GALNT17: variants seen among roughly 807,000 people sequenced by gnomAD.
The protein encoded by GALNT17 is UDP-GalNAc:polypeptide N-acetylgalactosaminyltransferase-like 3.
In GALNT17, 29 loss-of-function variants were observed where a neutral mutation model predicts 63.7. The observed-to-expected ratio is 0.46, with a 90% CI of 0.34 to 0.62. GALNT17 has a LOEUF of 0.62. Among genes scored for constraint, GALNT17 ranks in the 20% least tolerant of loss-of-function variants. The probability of loss-of-function intolerance (pLI) is 0.01; values close to 1 mark genes in which losing one functional copy is unlikely to be tolerated. For missense variants in GALNT17, 603 were observed against 799.6 expected, an observed-to-expected ratio of 0.75 and a Z score of 2.97; for synonymous variants, 305 against 318.3, an observed-to-expected ratio of 0.96 and a Z score of 0.45.
At chr7:71,620,774 G>T (rs1790278292) in intron 6 of GALNT17, among the ~76,000 whole-genome samples, 1 of 152,172 alleles carries the variant, frequency 6.6e-6, no homozygotes, top group African/African-American at 2.4e-5. Context: ...ATTGTCAGAA[G>T]CATAAAGCCT....
intron 2 of GALNT17, among the ~76,000 whole-genome samples, chr7:71,377,114 A>AATATATATAT (rs1554362119): frequency 9.9e-4 from 57 of 57,446 alleles, no homozygotes; most frequent in Non-Finnish European, 1.3e-3. Flanking sequence ...AAATAAAAAA[A>AATATATATAT]ATATATATAT....
chr7:71,591,405 C>T (rs1049358959), intron 6 of GALNT17, among the ~76,000 whole-genome samples: 5 of 152,032 alleles, frequency 3.3e-5, no homozygotes, highest in African/African-American at 9.7e-5. Context: ...GTAAGGGTCC[C>T]GAATTGCTCC....
chr7:71,650,853 A>G (rs1217028300), intron 6 of GALNT17, among the ~76,000 whole-genome samples: 2 of 152,128 alleles, frequency 1.3e-5, no homozygotes, highest in African/African-American at 4.8e-5. Flanking sequence ...CTGGCATTCT[A>G]TTTTTAAGCT....
intron 1 of GALNT17, among the ~76,000 whole-genome samples, chr7:71,160,714 C>T (rs1788326848): frequency 6.6e-6 from 1 of 152,164 alleles, no homozygotes. Flanking sequence ...CTGCCTCGGC[C>T]CCCCAAAGTG....
At chr7:71,455,824 C>T (rs1053569222) in intron 5 of GALNT17, among the ~76,000 whole-genome samples, 1 of 152,134 alleles carries the variant, frequency 6.6e-6, no homozygotes, top group African/African-American at 2.4e-5. Context: ...CTTTTGAAAC[C>T]AAGTAGAGCT....
chr7:71,312,021 C>T (rs1656487851), intron 1 of GALNT17, among the ~76,000 whole-genome samples: 1 of 152,224 alleles, frequency 6.6e-6, no homozygotes. Flanking sequence ...TTACCATTGC[C>T]ATAGCAACAC....
intron 1 of GALNT17, among the ~76,000 whole-genome samples, chr7:71,190,024 G>A (rs1221891706): frequency 6.6e-6 from 1 of 151,972 alleles, no homozygotes; most frequent in Non-Finnish European, 1.5e-5. Flanking sequence ...TGTTAGCCAG[G>A]ATGGTCTCGA....
At chr7:71,580,399 TGATAGATAGATAGATA>T (rs59745749) in intron 6 of GALNT17, among the ~76,000 whole-genome samples, 2,582 of 147,584 alleles carry the variant, frequency 0.017, 26 homozygotes, top group Middle Eastern at 0.071. Flanking sequence ...GATAGATGGA[TGATAGATAGATAGATA>T]GATAGATAGA....
rs769088187 is a variant in GALNT17 at position 71,421,116 on chromosome 7, G to A, written c.962+11G>A. ...TTCTCTCCCCATCAGGTCTGTGGCT[G>A]GTGAGCCCTGGCGGCCAACGAGCCC... is the stretch of plus-strand genomic sequence containing the variant. On this transcript the variant is annotated intron_variant, in intron 5 of 10. Coordinates refer to ENST00000333538, the MANE Select transcript of GALNT17 (RefSeq NM_022479.3). 60 of 1,613,730 alleles carry A rather than the reference G, an allele frequency of 3.7e-5. 1 individual carries two copies. The South Asian group carries it at 6.3e-4, about 17-fold the overall frequency.
intron 6 of GALNT17, among the ~76,000 whole-genome samples, chr7:71,624,292 G>T (rs1191338374): frequency 6.6e-6 from 1 of 152,168 alleles, no homozygotes; most frequent in Non-Finnish European, 1.5e-5. Context: ...GATCTGAAAA[G>T]GTCTCAGGGC....
chr7:71,219,018 C>T (rs1042567889), intron 1 of GALNT17, among the ~76,000 whole-genome samples: 4 of 152,144 alleles, frequency 2.6e-5, no homozygotes, highest in African/African-American at 9.7e-5. Flanking sequence ...TGAAACTTGT[C>T]CCTGGTGCCA....
In GALNT17 at chr7:71,542,052, T is replaced by C. The variant is rs181332558; in HGVS notation, c.963-29233T>C. On this transcript the variant is annotated intron_variant, in intron 5 of 10. Coordinates refer to ENST00000333538, the MANE Select transcript of GALNT17 (RefSeq NM_022479.3). ...GTTAAATGCAGGCGATGATACAAAA[T>C]GGGGAATAAAACAGGGATACGTTTT... is the stretch of plus-strand genomic sequence containing the variant. Among the ~76,000 whole-genome samples the C allele has an allele frequency of 2.0e-4, 31 of 152,166 alleles. No homozygotes were observed. In the East Asian group the frequency reaches 5.8e-3, roughly 28 times the overall value.
intron 1 of GALNT17, among the ~76,000 whole-genome samples, chr7:71,292,873 C>G (rs922419166): frequency 6.6e-5 from 10 of 152,128 alleles, no homozygotes; most frequent in African/African-American, 2.4e-4. Flanking sequence ...TCCCTCCCCC[C>G]ATCCTCTGGA....
intron 1 of GALNT17, among the ~76,000 whole-genome samples, chr7:71,297,677 A>T (rs1394117641): frequency 6.6e-6 from 1 of 152,242 alleles, no homozygotes; most frequent in Admixed American, 6.5e-5. Flanking sequence ...CAAAGTGGAA[A>T]CAACCCAGAT....
chr7:71,597,520 A>G (rs1789904841), intron 6 of GALNT17, among the ~76,000 whole-genome samples: 2 of 151,200 alleles, frequency 1.3e-5, no homozygotes, highest in South Asian at 4.2e-4. Context: ...AAAGAGTAAT[A>G]AATAAATAAA....
chr7:71,358,068 C>T (rs1792322531), intron 2 of GALNT17, among the ~76,000 whole-genome samples: 1 of 152,196 alleles, frequency 6.6e-6, no homozygotes, highest in Non-Finnish European at 1.5e-5. Flanking sequence ...AAGGTTTGTT[C>T]TTTGGCTCTT....
chr7:71,678,956 CAAA>C (rs35898355), intron 9 of GALNT17, among the ~76,000 whole-genome samples: 4 of 114,084 alleles, frequency 3.5e-5, no homozygotes, highest in Admixed American at 1.8e-4. Context: ...GACTCCATCT[CAAA>C]AAAAAAAAAA....
chr7:71,160,648 G>A (rs527610356), intron 1 of GALNT17, among the ~76,000 whole-genome samples: 3 of 152,050 alleles, frequency 2.0e-5, no homozygotes, highest in Non-Finnish European at 4.4e-5. Flanking sequence ...TAGTAGTGAC[G>A]GGGTTTTTCC....
intron 1 of GALNT17, among the ~76,000 whole-genome samples, chr7:71,328,877 G>A (rs143592526): frequency 2.3e-4 from 35 of 152,102 alleles, no homozygotes; most frequent in African/African-American, 8.0e-4. Context: ...TCTCCTTGGT[G>A]GGATATGCAT....
Sources: gnomAD v4.1 joint callset for allele counts (sites outside exome capture counted in the v4.1 genomes callset) on GRCh38, gnomAD v4.1.1 for gene constraint, MANE v1.5 for transcripts, NCBI Gene and HGNC (gene_info 2026-07-23, HGNC 2026-07-21) for gene names.